Variants in PDLIM5 observed in about 807,000 individuals in gnomAD.
PDLIM5 encodes PDZ and LIM domain protein 5.
A neutral mutation model predicts 64.2 loss-of-function variants in PDLIM5; 34 were observed. That is an observed-to-expected ratio of 0.53 (90% CI 0.40 to 0.71). The LOEUF (loss-of-function observed/expected upper bound fraction) is 0.71. Among genes scored for constraint, PDLIM5 ranks in the 30% least tolerant of loss-of-function variants. PDLIM5 has a pLI of 0.00. For missense variants in PDLIM5, 683 were observed against 733.6 expected (o/e 0.93, Z 0.80); for synonymous variants, 253 against 269.1 (o/e 0.94, Z 0.59).
At chr4:94,557,530 A>G (rs1349513126) in intron 3 of PDLIM5, among the ~76,000 whole-genome samples, 2 of 152,150 alleles carry the variant, frequency 1.3e-5, no homozygotes, top group African/African-American at 4.8e-5. Context: ...GATTCTTCCT[A>G]TCCATGAGCA....
chr4:94,479,664 A>G (rs1367849521), intron 2 of PDLIM5, among the ~76,000 whole-genome samples: 3 of 152,136 alleles, frequency 2.0e-5, no homozygotes, highest in African/African-American at 7.2e-5. Context: ...TTTTAAGGCA[A>G]ACCATGATGA....
intron 2 of PDLIM5, among the ~76,000 whole-genome samples, chr4:94,491,434 GA>G (rs1435133475): frequency 2.0e-5 from 3 of 152,044 alleles, no homozygotes; most frequent in African/African-American, 2.4e-5. Flanking sequence ...TTTGGACTGA[GA>G]ACAAATTGAA....
chr4:94,465,789 A>ACT (rs1724301253), intron 2 of PDLIM5, among the ~76,000 whole-genome samples: 1 of 152,154 alleles, frequency 6.6e-6, no homozygotes, highest in Non-Finnish European at 1.5e-5. Context: ...ACAGCTGATA[A>ACT]TTGGTTAGGC....
chr4:94,455,689 G>A (rs995793287), intron 2 of PDLIM5: 5 of 1,111,278 alleles, frequency 4.5e-6, no homozygotes, highest in Non-Finnish European at 5.1e-6. Flanking sequence ...CTGAATCTTC[G>A]TTCTTTCATA....
chr4:94,574,184 A>G (rs138836671), intron 4 of PDLIM5, among the ~76,000 whole-genome samples: 2,464 of 152,226 alleles, frequency 0.016, 77 homozygotes, highest in African/African-American at 0.057. Context: ...ATTTTTCTCA[A>G]TTAGTTTTCT....
intron 3 of PDLIM5, among the ~76,000 whole-genome samples, chr4:94,553,873 T>C (rs1426422232): frequency 6.6e-6 from 1 of 152,204 alleles, no homozygotes; most frequent in Non-Finnish European, 1.5e-5. Context: ...TGAATAAATT[T>C]GGTAAGCTTG....
intron 3 of PDLIM5, among the ~76,000 whole-genome samples, chr4:94,571,649 T>TATA (rs1734810956): frequency 1.3e-5 from 2 of 152,236 alleles, no homozygotes; most frequent in African/African-American, 4.8e-5. Flanking sequence ...AGAATTTTTT[T>TATA]CGTAATTATA....
rs142716127 is a variant in PDLIM5 at position 94,485,322 on chromosome 4, A to G, written c.96+29938A>G. The stretch of plus-strand genomic sequence containing the variant: ...GTTCATTTCTCTTAACACTTTCACC[A>G]TTTACTCGTGTTAGCACCGTAGGAT... On this transcript the variant is annotated intron_variant, in intron 2 of 12. Coordinates refer to ENST00000317968, the MANE Select transcript of PDLIM5 (RefSeq NM_006457.5). 2.2e-3 allele frequency among the ~76,000 whole-genome samples: 274 copies of G among 125,980 alleles called. 1 individual carries two copies. Among genetic ancestry groups the G allele is most frequent in the African/African-American group, 6.3e-3 (233 of 37,234 alleles). The allele number at this position is 125,980 out of a possible 152,430, so 82.6% of individuals were successfully genotyped here.
At chr4:94,577,263 A>T (rs777503247) in intron 5 of PDLIM5, 4 of 456,910 alleles carry the variant, frequency 8.8e-6, no homozygotes, top group South Asian at 4.6e-5. Flanking sequence ...CCATTCTCTG[A>T]GATAATCCCT....
At chr4:94,479,511 T>TG (rs1725665756) in intron 2 of PDLIM5, among the ~76,000 whole-genome samples, 1 of 151,124 alleles carries the variant, frequency 6.6e-6, no homozygotes, top group African/African-American at 2.4e-5. Flanking sequence ...TTTTTTTTTT[T>TG]GTAGAGATGG....
intron 2 of PDLIM5, among the ~76,000 whole-genome samples, chr4:94,493,905 G>T (rs982181919): frequency 3.9e-5 from 6 of 152,034 alleles, no homozygotes; most frequent in Non-Finnish European, 7.4e-5. Flanking sequence ...TTCATATCTT[G>T]CAGGTTGGTG....
At chr4:94,623,815 A>G (rs1477353343) in intron 8 of PDLIM5, among the ~76,000 whole-genome samples, 2 of 152,172 alleles carry the variant, frequency 1.3e-5, no homozygotes, top group Admixed American at 1.3e-4. Context: ...AAAAGGTGGG[A>G]GCACTGTCTG....
chr4:94,610,379 A>G, intron 7 of PDLIM5: 1 of 853,622 alleles, frequency 1.2e-6, no homozygotes, highest in Non-Finnish European at 1.7e-6. Flanking sequence ...CCTCAAAGAA[A>G]ACATGCCCCT....
chr4:94,662,071 A>G (rs12643867), intron 11 of PDLIM5, among the ~76,000 whole-genome samples: 86,977 of 151,828 alleles, frequency 0.57, 25,096 homozygotes, highest in Admixed American at 0.59. Flanking sequence ...TGCCTACCTC[A>G]GCCTCCCAAA....
At position 94,665,930 on chromosome 4, in the gene PDLIM5, G is replaced by C. The variant is rs1264264241; in HGVS notation, c.*1863G>C. 28 of 1,507,476 alleles carry C rather than the reference G, an allele frequency of 1.9e-5. No homozygotes were observed. Among genetic ancestry groups the C allele is most frequent in the Non-Finnish European group, 8.8e-6 (10 of 1,135,244 alleles). 93.4% of individuals were successfully genotyped at this position (1,507,476 alleles called of 1,614,324 possible). On this transcript the variant is annotated 3_prime_UTR_variant, in exon 13 of 13. Transcript: ENST00000317968. ...TTATGTAGATACCACATGGAGACAG[G>C]GAAACAATTGTGGTAAAACTGTGGA...
chr4:94,542,265 T>C (rs1731875426), intron 3 of PDLIM5, among the ~76,000 whole-genome samples: 1 of 151,586 alleles, frequency 6.6e-6, no homozygotes, highest in South Asian at 2.1e-4. Context: ...TGAGCCGAGA[T>C]CATGCCATTG....
chr4:94,658,391 C>T (rs1299384969), intron 11 of PDLIM5, among the ~76,000 whole-genome samples: 2 of 152,222 alleles, frequency 1.3e-5, no homozygotes, highest in Admixed American at 6.5e-5. Flanking sequence ...CAGAACGTTT[C>T]CTTTTCCTTC....
rs544858474 is a variant in PDLIM5 at position 94,458,497 on chromosome 4, T to A, written c.96+3113T>A. Among the ~76,000 whole-genome samples, 360 of 152,302 alleles carry A rather than the reference T, an allele frequency of 2.4e-3. 5 individuals are homozygous for A. The highest frequency in any genetic ancestry group is 6.8e-3 in the Middle Eastern group (2 of 294). On this transcript the variant is annotated intron_variant, in intron 2 of 12. Coordinates refer to ENST00000317968, the MANE Select transcript of PDLIM5 (RefSeq NM_006457.5). Reference sequence around the variant, plus strand: ...CAGTTATGGTTTTGTTTTGTTTTTTTAAACTTATTGTCCACTGAAATTAAG... The same window carrying A: ...CAGTTATGGTTTTGTTTTGTTTTTTAAAACTTATTGTCCACTGAAATTAAG...
intron 3 of PDLIM5, among the ~76,000 whole-genome samples, chr4:94,551,432 C>T (rs960107017): frequency 6.6e-6 from 1 of 152,050 alleles, no homozygotes; most frequent in Non-Finnish European, 1.5e-5. Flanking sequence ...AAGGGTATCC[C>T]TTGAATTCTC....
Sources: gnomAD v4.1 joint callset for allele counts (sites outside exome capture counted in the v4.1 genomes callset) on GRCh38, gnomAD v4.1.1 for gene constraint, MANE v1.5 for transcripts, NCBI Gene and HGNC (gene_info 2026-07-23, HGNC 2026-07-21) for gene names.